The following HMGA2 variants were observed in gnomAD, a reference collection of about 807,000 sequenced individuals.
HMGA2 encodes the protein high mobility group protein HMGI-C.
A neutral mutation model predicts 19.1 loss-of-function variants in HMGA2; 8 were observed. The observed-to-expected ratio is 0.42, with a 90% CI of 0.25 to 0.76. The LOEUF (loss-of-function observed/expected upper bound fraction) is 0.76, where lower values mean the gene tolerates loss of function less well. Among genes scored for constraint, HMGA2 ranks in the 30% least tolerant of loss-of-function variants. The probability of loss-of-function intolerance (pLI) is 0.28; values close to 1 mark genes in which losing one functional copy is unlikely to be tolerated. For missense variants in HMGA2, 109 were observed against 136.3 expected, an observed-to-expected ratio of 0.80 and a Z score of 1.00; for synonymous variants, 60 against 48.8, an observed-to-expected ratio of 1.23 and a Z score of -0.96.
chr12:65,838,503 C>T lies in HMGA2; in HGVS notation c.199-16C>T, dbSNP rs566503281. 3.1e-6 allele frequency: 5 copies of T among 1,605,462 alleles called. No homozygotes were observed. The highest frequency in any genetic ancestry group is 1.7e-6 in the Non-Finnish European group (2 of 1,172,972). ...GTCAGGTAGAAAACTATAATGACTTCCTTTTTCATTTGCAGAAAGCAGAAG... is the reference window on the plus strand; with the variant it reads ...GTCAGGTAGAAAACTATAATGACTTTCTTTTTCATTTGCAGAAAGCAGAAG... On this transcript the variant is annotated splice_polypyrimidine_tract_variant and intron_variant, in intron 2 of 4. Transcript: ENST00000403681.
chr12:65,908,419 T>C (rs1874697683), intron 3 of HMGA2, among the ~76,000 whole-genome samples: 1 of 152,236 alleles, frequency 6.6e-6, no homozygotes, highest in South Asian at 2.1e-4. Flanking sequence ...AGATTTTTCC[T>C]AATCTCTTCA....
intron 3 of HMGA2, among the ~76,000 whole-genome samples, chr12:65,922,662 A>G (rs1875357124): frequency 1.3e-5 from 2 of 152,228 alleles, no homozygotes; most frequent in Admixed American, 1.3e-4. Flanking sequence ...GGAAGGCATG[A>G]TTGGTTTTGA....
chr12:65,860,639 G>A (rs1872009380), intron 3 of HMGA2, among the ~76,000 whole-genome samples: 1 of 152,128 alleles, frequency 6.6e-6, no homozygotes, highest in African/African-American at 2.4e-5. Context: ...CAAAAAATAC[G>A]TGGCTAGGCT....
intron 3 of HMGA2, among the ~76,000 whole-genome samples, chr12:65,871,686 C>G (rs1331905437): frequency 2.0e-5 from 3 of 152,116 alleles, no homozygotes; most frequent in Admixed American, 6.5e-5. Context: ...AACTACATTC[C>G]TTTCCTAGGC....
chr12:65,834,473 GAC>G (rs964751417), intron 2 of HMGA2, among the ~76,000 whole-genome samples: 1 of 152,122 alleles, frequency 6.6e-6, no homozygotes, highest in Non-Finnish European at 1.5e-5. Context: ...AGGGAAATAA[GAC>G]ACACATATAA....
intron 3 of HMGA2, among the ~76,000 whole-genome samples, chr12:65,912,661 A>C (rs12298541): frequency 0.68 from 103,974 of 152,062 alleles, 36,157 homozygotes; most frequent in East Asian, 0.83. Context: ...GACAGCCAAC[A>C]CTCAGAATGT....
intron 3 of HMGA2, among the ~76,000 whole-genome samples, chr12:65,877,708 C>A (rs1185949886): frequency 6.6e-6 from 1 of 151,994 alleles, no homozygotes; most frequent in Non-Finnish European, 1.5e-5. Flanking sequence ...AGAATGAGAA[C>A]TCTTCAAGTC....
intron 3 of HMGA2, chr12:65,856,357 C>T (rs1871741541): frequency 6.6e-6 from 1 of 152,154 alleles, no homozygotes; most frequent in African/African-American, 2.4e-5. Flanking sequence ...CTCTTATATT[C>T]TACAGGTGAC....
chr12:65,901,047 G>A (rs1238794418), intron 3 of HMGA2, among the ~76,000 whole-genome samples: 2 of 152,050 alleles, frequency 1.3e-5, no homozygotes, highest in African/African-American at 4.8e-5. Flanking sequence ...ATTATGTGTG[G>A]TATGCCACCT....
At chr12:65,926,843 G>A (rs1412320252) in intron 3 of HMGA2, among the ~76,000 whole-genome samples, 1 of 152,122 alleles carries the variant, frequency 6.6e-6, no homozygotes, top group Non-Finnish European at 1.5e-5. Flanking sequence ...AGAGGTTTGG[G>A]TGACAGAAAT....
At position 65,845,799 on chromosome 12, in the gene HMGA2, A is replaced by G. The variant is rs1322554715; in HGVS notation, c.249+7230A>G. 5.9e-5 allele frequency among the ~76,000 whole-genome samples: 9 copies of G among 152,332 alleles called. 1 individual carries two copies. In the South Asian group the frequency reaches 1.2e-3, roughly 21 times the overall value. ...AGTGCCTGACAGGAACATTCTGTCC[A>G]TAACTAATGGCTGTCAAGCATTTAT... On this transcript the variant is annotated intron_variant, in intron 3 of 4. Coordinates refer to ENST00000403681, the MANE Select transcript of HMGA2 (RefSeq NM_003483.6).
intron 3 of HMGA2, chr12:65,915,149 C>T: frequency 6.2e-7 from 1 of 1,613,190 alleles, no homozygotes. Context: ...TGGAGGAGTC[C>T]AGGATAGCTC....
At chr12:65,962,062 AG>A (rs1876767281) in intron 4 of HMGA2, among the ~76,000 whole-genome samples, 1 of 152,200 alleles carries the variant, frequency 6.6e-6, no homozygotes, top group Non-Finnish European at 1.5e-5. Context: ...TAAAGTATGA[AG>A]ACTGTTATAA....
At chr12:65,937,188 A>G (rs1268081279) in intron 3 of HMGA2, among the ~76,000 whole-genome samples, 1 of 152,316 alleles carries the variant, frequency 6.6e-6, no homozygotes, top group Non-Finnish European at 1.5e-5. Context: ...AGATACCTGC[A>G]CATCTGGCAA....
intron 1 of HMGA2, 111 bp from the exon 2 acceptor site, chr12:65,827,890 G>C (rs1870286298): frequency 2.5e-5 from 19 of 770,784 alleles, no homozygotes; most frequent in Middle Eastern, 4.5e-4. Context: ...AACTGAACGT[G>C]TTCCAACAGC....
At chr12:65,876,120 G>A (rs1873010965) in intron 3 of HMGA2, among the ~76,000 whole-genome samples, 1 of 151,854 alleles carries the variant, frequency 6.6e-6, no homozygotes, top group Non-Finnish European at 1.5e-5. Flanking sequence ...GGTTATATAG[G>A]AATGTAGTAG....
chr12:65,924,576 T>C (rs1444545410), intron 3 of HMGA2, among the ~76,000 whole-genome samples: 1 of 152,140 alleles, frequency 6.6e-6, no homozygotes, highest in Non-Finnish European at 1.5e-5. Flanking sequence ...GGCAGGTGGA[T>C]GGCTTGAGGT....
intron 2 of HMGA2, among the ~76,000 whole-genome samples, chr12:65,830,465 A>G (rs1301642605): frequency 6.6e-6 from 1 of 151,956 alleles, no homozygotes; most frequent in Non-Finnish European, 1.5e-5. Flanking sequence ...TTCTATGAGT[A>G]ACAAAGTGAG....
chr12:65,899,787 T>A (rs1332541260), intron 3 of HMGA2, among the ~76,000 whole-genome samples: 1 of 152,224 alleles, frequency 6.6e-6, no homozygotes, highest in Non-Finnish European at 1.5e-5. Flanking sequence ...GTTTTCATTT[T>A]AATTTATAGA....
Sources: allele counts gnomAD v4.1 joint callset (sites outside exome capture counted in the v4.1 genomes callset), GRCh38; gene constraint gnomAD v4.1.1; transcripts MANE v1.5; gene names NCBI Gene and HGNC (gene_info 2026-07-23, HGNC 2026-07-21).